Variants in GPC6 observed in about 807,000 individuals in gnomAD.
The protein encoded by GPC6 is glypican 6, also known as glypican-6.
GPC6 carries 14 observed loss-of-function variants against 55.2 expected under a neutral mutation model. That is an observed-to-expected ratio of 0.25 (90% CI 0.17 to 0.40). The LOEUF is 0.40. Ranked by LOEUF, GPC6 falls within the 10% of genes least tolerant of loss-of-function variation. The probability of loss-of-function intolerance (pLI) is 1.00; values close to 1 mark genes in which losing one functional copy is unlikely to be tolerated. For missense variants in GPC6, 641 were observed against 708.5 expected, an observed-to-expected ratio of 0.90 and a Z score of 1.08; for synonymous variants, 278 against 259.6, an observed-to-expected ratio of 1.07 and a Z score of -0.68.
intron 1 of GPC6, among the ~76,000 whole-genome samples, chr13:93,316,013 A>C (rs1419219792): frequency 6.6e-6 from 1 of 152,046 alleles, no homozygotes; most frequent in Non-Finnish European, 1.5e-5. Flanking sequence ...ATTTTTTCAC[A>C]GGGGTGTTCT....
chr13:93,483,937 G>T (rs760024679), intron 1 of GPC6, among the ~76,000 whole-genome samples: 4 of 152,128 alleles, frequency 2.6e-5, no homozygotes, highest in African/African-American at 9.6e-5. Flanking sequence ...ACTTATTTGT[G>T]TAGAAAACAG....
At chr13:93,691,407 A>G (rs1882251354) in intron 2 of GPC6, among the ~76,000 whole-genome samples, 1 of 151,044 alleles carries the variant, frequency 6.6e-6, no homozygotes, top group Admixed American at 6.6e-5. Flanking sequence ...TTTTTTTTAA[A>G]TTATCTTTAA....
chr13:93,900,395 G>T (rs1876279511), intron 3 of GPC6, among the ~76,000 whole-genome samples: 1 of 151,958 alleles, frequency 6.6e-6, no homozygotes, highest in Non-Finnish European at 1.5e-5. Flanking sequence ...TTCTAATTTT[G>T]AGTCTCTAAA....
chr13:94,293,847 C>T (rs577059090), intron 5 of GPC6, among the ~76,000 whole-genome samples: 30 of 152,272 alleles, frequency 2.0e-4, no homozygotes, highest in African/African-American at 7.0e-4. Flanking sequence ...CAGTAATTAC[C>T]TTCCCACCAG....
At chr13:94,278,371 G>A (rs539038822) in intron 4 of GPC6, among the ~76,000 whole-genome samples, 2 of 152,122 alleles carry the variant, frequency 1.3e-5, no homozygotes, top group Admixed American at 6.6e-5. Flanking sequence ...ATAGAATCAT[G>A]TCTTCTGCAA....
intron 4 of GPC6, among the ~76,000 whole-genome samples, chr13:94,176,424 C>T (rs7329232): frequency 0.77 from 117,263 of 151,930 alleles, 46,771 homozygotes; most frequent in Middle Eastern, 0.88. Flanking sequence ...AACTCATAGA[C>T]ATAGCAGAAC....
At chr13:93,759,458 C>G (rs183380870) in intron 2 of GPC6, among the ~76,000 whole-genome samples, 1 of 152,172 alleles carries the variant, frequency 6.6e-6, no homozygotes, top group East Asian at 1.9e-4. Flanking sequence ...GACAAGAATA[C>G]CTAAAGTTTA....
chr13:93,885,175 G>A (rs1328304946), intron 3 of GPC6, among the ~76,000 whole-genome samples: 4 of 151,698 alleles, frequency 2.6e-5, no homozygotes, highest in East Asian at 3.9e-4. Context: ...AATTAATAGA[G>A]CCATTCTGCA....
chr13:94,139,593 G>T (rs752725871), intron 4 of GPC6, among the ~76,000 whole-genome samples: 8 of 152,160 alleles, frequency 5.3e-5, no homozygotes, highest in African/African-American at 1.9e-4. Context: ...TCCTATCAAG[G>T]TGATGGGAAG....
At chr13:93,352,913 GTC>G (rs1880682596) in intron 1 of GPC6, among the ~76,000 whole-genome samples, 2 of 152,136 alleles carry the variant, frequency 1.3e-5, no homozygotes, top group African/African-American at 4.8e-5. Flanking sequence ...GCTTGCAGGA[GTC>G]TCTAGCTCCT....
intron 3 of GPC6, among the ~76,000 whole-genome samples, chr13:93,853,242 C>T (rs1888472913): frequency 6.6e-6 from 1 of 151,690 alleles, no homozygotes; most frequent in South Asian, 2.1e-4. Flanking sequence ...TCTTTCCCTG[C>T]TTCTTGCCTA....
At chr13:93,604,128 G>A (rs1176121403) in intron 2 of GPC6, among the ~76,000 whole-genome samples, 1 of 152,192 alleles carries the variant, frequency 6.6e-6, no homozygotes, top group East Asian at 1.9e-4. Context: ...AATGTCTTTG[G>A]TTTACGTCTC....
chr13:93,321,781 C>T (rs1348372573), intron 1 of GPC6, among the ~76,000 whole-genome samples: 1 of 152,168 alleles, frequency 6.6e-6, no homozygotes, highest in Non-Finnish European at 1.5e-5. Flanking sequence ...TGTGAGCAGA[C>T]TAGACAACAA....
intron 4 of GPC6, among the ~76,000 whole-genome samples, chr13:94,175,937 C>CATAT (rs377560714): frequency 0.19 from 24,223 of 127,192 alleles, 2,573 homozygotes; most frequent in East Asian, 0.27. Flanking sequence ...CCAAATGAGC[C>CATAT]ATATATATAT....
At chr13:93,813,007 G>A (rs1455705989) in intron 2 of GPC6, among the ~76,000 whole-genome samples, 1 of 152,112 alleles carries the variant, frequency 6.6e-6, no homozygotes, top group Non-Finnish European at 1.5e-5. Context: ...GTATTCAGAG[G>A]CTGTGTTTGG....
intron 2 of GPC6, among the ~76,000 whole-genome samples, chr13:93,587,536 C>G: frequency 6.6e-6 from 1 of 152,184 alleles, no homozygotes; most frequent in Non-Finnish European, 1.5e-5. Flanking sequence ...TTGTTGCTTG[C>G]AGGGTCCACC....
chr13:93,628,721 G>A (rs1270138587), intron 2 of GPC6, among the ~76,000 whole-genome samples: 1 of 152,148 alleles, frequency 6.6e-6, no homozygotes, highest in Non-Finnish European at 1.5e-5. Flanking sequence ...TGATGAAGAA[G>A]TGTCGGATTT....
intron 4 of GPC6, among the ~76,000 whole-genome samples, chr13:94,252,769 A>C (rs1244295615): frequency 2.6e-5 from 4 of 152,082 alleles, no homozygotes; most frequent in African/African-American, 9.7e-5. Context: ...TAAGTCCAAA[A>C]GCCATAAATG....
At position 93,895,222 on chromosome 13, in the gene GPC6, A is replaced by ATGTGTGTGTGTGTGTGTGTGTGTG. The variant is rs369480808; in HGVS notation, c.711+64690_711+64691insGTGTGTGTGTGTGTGTGTGTGTGT. Among the ~76,000 whole-genome samples the ATGTGTGTGTGTGTGTGTGTGTGTG allele has an allele frequency of 6.7e-3, 360 of 53,548 alleles. 24 individuals are homozygous for ATGTGTGTGTGTGTGTGTGTGTGTG. The highest frequency in any genetic ancestry group is 0.025 in the African/African-American group (319 of 12,664). The allele number at this position is 53,548 out of a possible 152,430, so 35.1% of individuals were successfully genotyped here. On this transcript the variant is annotated intron_variant, in intron 3 of 8. Transcript: ENST00000377047. ...TATATATGTGTGTGTGTGTGTATGT[A>ATGTGTGTGTGTGTGTGTGTGTGTG]TGTGTGTGTGTGTATATATATATAT... is the stretch of plus-strand genomic sequence containing the variant.
Sources: allele counts gnomAD v4.1 joint callset (sites outside exome capture counted in the v4.1 genomes callset), GRCh38; gene constraint gnomAD v4.1.1; transcripts MANE v1.5; gene names NCBI Gene and HGNC (gene_info 2026-07-23, HGNC 2026-07-21).